The following CUBN variants were observed in gnomAD, a reference collection of about 807,000 sequenced individuals.
The protein encoded by CUBN is cubilin.
In CUBN, 282 loss-of-function variants were observed where a neutral mutation model predicts 405.3. The observed-to-expected ratio is 0.70, with a 90% CI of 0.63 to 0.77. CUBN has a LOEUF of 0.77. Among genes scored for constraint, CUBN ranks in the 30% least tolerant of loss-of-function variants. The pLI is 0.00. For synonymous variants in CUBN, 1,684 were observed against 1,617.0 expected, an observed-to-expected ratio of 1.04 and a Z score of -0.99; for missense variants, 4,514 against 4,475.2, an observed-to-expected ratio of 1.01 and a Z score of -0.25.
rs765142212 is a variant in CUBN at position 17,047,577 on chromosome 10, A to G, written c.3166T>C (p.Leu1056=). The G allele has an allele frequency of 3.1e-6, 5 of 1,614,106 alleles. No individual in the cohort carries two copies. In the South Asian group the frequency reaches 3.3e-5, roughly 11 times the overall value. ...TACLQDYTDD[L]GTFTSPNFPN... The stretch of plus-strand genomic sequence containing the variant: ...AAGTTTGGAGAAGTGAATGTCCCCA[A>G]ATCATCTGTGTAGTCTTGCAAACAT... Residue 1056 remains leucine (L), a synonymous_variant, in exon 23 of 67, where the codon TTG becomes CTG. Transcript: ENST00000377833.
Position 16,888,611 on chromosome 10 carries a change from G to T in CUBN, c.8756-45C>A, listed in dbSNP as rs767860860. 20 of 1,573,118 alleles carry T rather than the reference G, an allele frequency of 1.3e-5. No homozygotes were observed. The Admixed American group carries it at 1.5e-4, about 12-fold the overall frequency. On this transcript the variant is annotated intron_variant, in intron 55 of 66. Transcript: ENST00000377833. ...CATCATCAGATCATTTATTTCTCGT[G>T]TATCTATTTTGTCCATGAAGGAAAG...
Position 16,889,953 on chromosome 10 carries a change from A to AAAAAAAG in CUBN, c.8755+417_8755+418insCTTTTTT, listed in dbSNP as rs57009841. On this transcript the variant is annotated intron_variant, in intron 55 of 66. Coordinates refer to ENST00000377833, the MANE Select transcript of CUBN (RefSeq NM_001081.4). ...GCCGTGTCAAAAAAAAAAAAAAAAAACAGGAAAGACTTCGTCATGGAAATT... is the reference window on the plus strand; with the variant it reads ...GCCGTGTCAAAAAAAAAAAAAAAAAAAAAAAAGCAGGAAAGACTTCGTCATGGAAATT... Among the ~76,000 whole-genome samples the AAAAAAAG allele has an allele frequency of 3.8e-4, 45 of 118,022 alleles. 11 individuals carry two copies. Among genetic ancestry groups the AAAAAAAG allele is most frequent in the Middle Eastern group, 4.5e-3 (1 of 222 alleles). 77.4% of individuals were successfully genotyped at this position (118,022 alleles called of 152,430 possible). A position where few individuals can be genotyped will look rare whatever the true frequency, so the allele number is the denominator to read the frequency against.
chr10:16,858,364 A>C (rs2131349208), intron 59 of CUBN, among the ~76,000 whole-genome samples: 1 of 152,276 alleles, frequency 6.6e-6, no homozygotes, highest in South Asian at 2.1e-4. Flanking sequence ...TCTGTCACCC[A>C]GACTGGAGTG....
At chr10:17,007,268 G>T (rs1006571678) in intron 28 of CUBN, among the ~76,000 whole-genome samples, 1 of 142,232 alleles carries the variant, frequency 7.0e-6, no homozygotes, top group East Asian at 2.1e-4. Context: ...ACCATGAACC[G>T]ATTAGAGACA....
chr10:17,115,458 G>C lies in CUBN; in HGVS notation c.720+13C>G. The C allele has an allele frequency of 6.2e-7, 1 of 1,613,488 alleles. No individual in the cohort carries two copies. The highest frequency in any genetic ancestry group is 1.1e-5 in the South Asian group (1 of 91,052). Reference sequence around the variant, plus strand: ...GCTCTCTGCAAGGAGGCACATTTGGGGAAGGGACCCACCTCTCCAGCTTGC... The same window carrying C: ...GCTCTCTGCAAGGAGGCACATTTGGCGAAGGGACCCACCTCTCCAGCTTGC... On this transcript the variant is annotated intron_variant, in intron 7 of 66. Transcript: ENST00000377833.
chr10:16,976,387 T>C (rs2131682017), intron 31 of CUBN, among the ~76,000 whole-genome samples: 1 of 152,288 alleles, frequency 6.6e-6, no homozygotes, highest in South Asian at 2.1e-4. Flanking sequence ...TTTTTTTACT[T>C]CCAATCCTGG....
intron 31 of CUBN, among the ~76,000 whole-genome samples, chr10:16,967,262 A>C (rs926537564): frequency 3.3e-5 from 5 of 152,172 alleles, no homozygotes; most frequent in Non-Finnish European, 5.9e-5. Context: ...TCTCCCACTC[A>C]GTCTTCACAT....
intron 14 of CUBN, among the ~76,000 whole-genome samples, chr10:17,093,212 A>G (rs148582913): frequency 0.011 from 1,666 of 152,264 alleles, 29 homozygotes; most frequent in African/African-American, 0.038. Context: ...AAAAATGTAC[A>G]GGCATTTCCT....
In CUBN at chr10:16,928,230, T is replaced by A. The variant is rs753063223; in HGVS notation, c.6198A>T (p.Gly2066=). ...AGGTGAAGCGGATGAACATGTACTC[T>A]CCAGTAGACCGGATGGGCCCAGGGA... ...REIPGPIRST[G]EYMFIRFTSD... is the part of the protein sequence containing the mutation. The change falls in exon 41 of 67, where the codon GGA becomes GGT. Residue 2066 remains glycine (G), a synonymous_variant. Coordinates refer to ENST00000377833, the MANE Select transcript of CUBN (RefSeq NM_001081.4). The A allele has an allele frequency of 1.9e-6, 3 of 1,613,852 alleles. No homozygotes were observed. In the African/African-American group the frequency reaches 4.0e-5, roughly 22 times the overall value.
intron 29 of CUBN, 134 bp from the exon 30 acceptor site, chr10:16,984,413 G>A: frequency 1.1e-6 from 1 of 870,016 alleles, no homozygotes; most frequent in South Asian, 1.5e-5. Context: ...CTCCCTGGGT[G>A]GGGATGCACT....
At chr10:17,104,778 G>A (rs536037119) in intron 11 of CUBN, among the ~76,000 whole-genome samples, 173 bp from the exon 12 acceptor site, 1 of 144,106 alleles carries the variant, frequency 6.9e-6, no homozygotes, top group African/African-American at 2.5e-5. Context: ...TATTATTTAT[G>A]TAATAATTAT....
chr10:16,974,964 T>A (rs1423667990), intron 31 of CUBN, among the ~76,000 whole-genome samples: 9 of 152,214 alleles, frequency 5.9e-5, no homozygotes. Context: ...ATAAAATATC[T>A]GTTAATTGAC....
At chr10:16,842,101 G>C (rs1839371319) in intron 60 of CUBN, among the ~76,000 whole-genome samples, 1 of 150,310 alleles carries the variant, frequency 6.7e-6, no homozygotes, top group Non-Finnish European at 1.5e-5. Flanking sequence ...CTGGAGTGCA[G>C]TGCTGCAATC....
chr10:16,976,138 T>A (rs1056791718), intron 31 of CUBN, among the ~76,000 whole-genome samples: 7 of 151,954 alleles, frequency 4.6e-5, no homozygotes, highest in African/African-American at 1.7e-4. Context: ...GCTTGGCTAA[T>A]TTTTTAACTG....
intron 31 of CUBN, among the ~76,000 whole-genome samples, chr10:16,958,332 G>A (rs1446915746): frequency 6.6e-6 from 1 of 152,056 alleles, no homozygotes; most frequent in Admixed American, 6.5e-5. Flanking sequence ...GACCAGCCTG[G>A]CCAACATGAC....
intron 31 of CUBN, among the ~76,000 whole-genome samples, chr10:16,963,245 A>C (rs1421323472): frequency 8.9e-6 from 1 of 112,754 alleles, no homozygotes; most frequent in Non-Finnish European, 1.6e-5. Context: ...CCCAGGTTGG[A>C]GTGCAGTGGT....
intron 6 of CUBN, among the ~76,000 whole-genome samples, chr10:17,119,309 A>G (rs1008653355): frequency 2.0e-5 from 3 of 152,216 alleles, no homozygotes; most frequent in African/African-American, 7.2e-5. Context: ...CTAAATGTAC[A>G]ACACACACCA....
chr10:17,102,002 A>G (rs1158867131), intron 13 of CUBN, among the ~76,000 whole-genome samples: 1 of 152,190 alleles, frequency 6.6e-6, no homozygotes, highest in Non-Finnish European at 1.5e-5. Flanking sequence ...TTGCACAATA[A>G]TCAACATAAA....
rs574566488 is a variant in CUBN, at chr10:16,850,215, G to A, written c.9663+1020C>T. Among the ~76,000 whole-genome samples the A allele has an allele frequency of 9.9e-4, 151 of 152,174 alleles. 1 individual carries two copies. The highest frequency in any genetic ancestry group is 7.5e-3 in the South Asian group (36 of 4,822). ...GCCTGCATCGAATGCATTCATTAGC[G>A]CTTAAATGCTGACTATCCTGAACTA... On this transcript the variant is annotated intron_variant, in intron 60 of 66. Transcript: ENST00000377833.
Sources: gnomAD v4.1 joint callset for allele counts (sites outside exome capture counted in the v4.1 genomes callset) on GRCh38, gnomAD v4.1.1 for gene constraint, MANE v1.5 for transcripts, NCBI Gene and HGNC (gene_info 2026-07-23, HGNC 2026-07-21) for gene names.